TTC27: variants seen among roughly 807,000 people sequenced by gnomAD.
TTC27 encodes tetratricopeptide repeat domain 27.
Under a neutral mutation model 115.9 loss-of-function variants are expected in TTC27, and 79 were observed. That is an observed-to-expected ratio of 0.68 (90% CI 0.57 to 0.82). The LOEUF (loss-of-function observed/expected upper bound fraction) is 0.82, where lower values mean the gene tolerates loss of function less well. TTC27 is among the 40% of genes least tolerant of loss of function. TTC27 has a pLI of 0.00. For synonymous variants in TTC27, 401 were observed against 356.0 expected, an observed-to-expected ratio of 1.13 and a Z score of -1.42; for missense variants, 1,054 against 993.1, an observed-to-expected ratio of 1.06 and a Z score of -0.82.
At chr2:32,652,486 CTA>C (rs1665161002) in intron 5 of TTC27, among the ~76,000 whole-genome samples, 1 of 152,118 alleles carries the variant, frequency 6.6e-6, no homozygotes, top group Non-Finnish European at 1.5e-5. Context: ...AAACCAGAAA[CTA>C]AGATAGCTGG....
intron 4 of TTC27, among the ~76,000 whole-genome samples, chr2:32,648,300 C>T (rs1572474289): frequency 6.6e-6 from 1 of 151,476 alleles, no homozygotes; most frequent in African/African-American, 2.4e-5. Context: ...GCTAATTTTT[C>T]GTATTTTTAG....
At chr2:32,765,504 G>A (rs1384324310) in intron 13 of TTC27, among the ~76,000 whole-genome samples, 1 of 152,070 alleles carries the variant, frequency 6.6e-6, no homozygotes, top group Non-Finnish European at 1.5e-5. Context: ...ATTCTTTAGG[G>A]CTGTGGGATT....
intron 5 of TTC27, among the ~76,000 whole-genome samples, chr2:32,663,991 T>A (rs76328968): frequency 6.2e-5 from 6 of 97,546 alleles, no homozygotes; most frequent in African/African-American, 2.6e-4. Flanking sequence ...CCCCCCACTA[T>A]TTTTTTTTTT....
intron 4 of TTC27, among the ~76,000 whole-genome samples, chr2:32,642,409 G>A (rs1383585989): frequency 6.6e-6 from 1 of 151,370 alleles, no homozygotes; most frequent in African/African-American, 2.4e-5. Context: ...CCACCACCAC[G>A]TTTGGCTAAT....
At chr2:32,640,898 C>G (rs1455728452) in intron 4 of TTC27, among the ~76,000 whole-genome samples, 1 of 152,104 alleles carries the variant, frequency 6.6e-6, no homozygotes, top group Non-Finnish European at 1.5e-5. Context: ...AGGAGAATTG[C>G]TTGAACCTGG....
intron 10 of TTC27, among the ~76,000 whole-genome samples, chr2:32,712,631 GA>G (rs1667618955): frequency 6.6e-6 from 1 of 151,420 alleles, no homozygotes; most frequent in Non-Finnish European, 1.5e-5. Context: ...ATGATCTCGG[GA>G]CTGCGATCTC....
rs138534131 is a variant in TTC27 at position 32,686,208 on chromosome 2, C to T, written c.1119+7286C>T. 1.8e-3 allele frequency among the ~76,000 whole-genome samples: 267 copies of T among 152,292 alleles called. 1 individual carries two copies. The highest frequency in any genetic ancestry group is 1.9e-3 in the Non-Finnish European group (127 of 68,022). Reference sequence around the variant, plus strand: ...ATCTAAATAAATGGATTTACCATATCTGTGGATCGGAAGGCTCAGTATGTT... The same window carrying T: ...ATCTAAATAAATGGATTTACCATATTTGTGGATCGGAAGGCTCAGTATGTT... On this transcript the variant is annotated intron_variant, in intron 9 of 19. Coordinates refer to ENST00000317907, the MANE Select transcript of TTC27 (RefSeq NM_017735.5).
intron 18 of TTC27, among the ~76,000 whole-genome samples, chr2:32,816,015 C>G (rs1021748175): frequency 1.3e-5 from 2 of 152,102 alleles, no homozygotes; most frequent in Non-Finnish European, 2.9e-5. Context: ...TTAGTCTTTG[C>G]GTGCAAAAAG....
At chr2:32,645,134 G>A (rs73922770) in intron 4 of TTC27, among the ~76,000 whole-genome samples, 2,501 of 152,208 alleles carry the variant, frequency 0.016, 28 homozygotes, top group Middle Eastern at 0.027. Context: ...TCCAAGAAAT[G>A]TATCAAGTTA....
At chr2:32,675,322 A>G (rs973167546) in intron 8 of TTC27, among the ~76,000 whole-genome samples, 6 of 152,336 alleles carry the variant, frequency 3.9e-5, no homozygotes, top group Admixed American at 3.3e-4. Context: ...TCAGGAAATT[A>G]AACTATGCCA....
intron 13 of TTC27, among the ~76,000 whole-genome samples, chr2:32,775,671 T>C (rs1342965626): frequency 1.3e-5 from 2 of 152,188 alleles, no homozygotes; most frequent in Non-Finnish European, 2.9e-5. Context: ...TAATTCTTTG[T>C]ATCTAAGATG....
At chr2:32,786,143 A>G (rs535113076) in intron 15 of TTC27, among the ~76,000 whole-genome samples, 1 of 150,684 alleles carries the variant, frequency 6.6e-6, no homozygotes, top group South Asian at 2.1e-4. Context: ...TTTTTTTAAC[A>G]TGGAGTCTTG....
chr2:32,716,649 T>G (rs940711530), intron 10 of TTC27, among the ~76,000 whole-genome samples: 3 of 152,170 alleles, frequency 2.0e-5, no homozygotes, highest in Non-Finnish European at 2.9e-5. Flanking sequence ...ATTGTTACTC[T>G]ATATTCTATT....
chr2:32,643,228 A>C (rs1430259903), intron 4 of TTC27, among the ~76,000 whole-genome samples: 2 of 152,118 alleles, frequency 1.3e-5, no homozygotes, highest in African/African-American at 4.8e-5. Context: ...TTGAGTAAAA[A>C]ATTTTTCCCC....
At position 32,714,190 on chromosome 2, in the gene TTC27, G is replaced by A. The variant is rs6731914; in HGVS notation, c.1233+11270G>A. On this transcript the variant is annotated intron_variant, in intron 10 of 19. Transcript: ENST00000317907. ...TTTTTTTTTTTTGAGATGGAGTCTC[G>A]CTCTGTCGCCCAGGCTGGAGTGCAG... Among the ~76,000 whole-genome samples, 9 of 140,268 alleles carry A rather than the reference G, an allele frequency of 6.4e-5. No homozygotes were observed. In the East Asian group the frequency reaches 1.5e-3, roughly 23 times the overall value. The allele number at this position is 140,268 out of a possible 152,430, so 92.0% of individuals were successfully genotyped here.
At chr2:32,629,389 G>C (rs1277248905) in intron 1 of TTC27, among the ~76,000 whole-genome samples, 1 of 152,118 alleles carries the variant, frequency 6.6e-6, no homozygotes, top group Non-Finnish European at 1.5e-5. Context: ...CAAAGTGCTG[G>C]GATTACAGCC....
At chr2:32,749,642 A>G (rs892002897) in intron 12 of TTC27, among the ~76,000 whole-genome samples, 40 of 152,288 alleles carry the variant, frequency 2.6e-4, no homozygotes, top group African/African-American at 8.7e-4. Flanking sequence ...ATACCATTAC[A>G]TTTGCTACTG....
rs181616376 is a variant in TTC27, at chr2:32,670,138, A to G, written c.940-2134A>G. ...GGTGATCCGCCCGCCTCAGCCTCTC[A>G]AAGTGCTGGGATTACAGGCATGAGC... On this transcript the variant is annotated intron_variant, in intron 7 of 19. Transcript: ENST00000317907. 3.6e-3 allele frequency among the ~76,000 whole-genome samples: 543 copies of G among 151,914 alleles called. 4 individuals carry two copies. Among genetic ancestry groups the G allele is most frequent in the African/African-American group, 0.012 (511 of 41,424 alleles).
intron 12 of TTC27, among the ~76,000 whole-genome samples, chr2:32,749,863 T>G (rs1034173002): frequency 1.3e-5 from 2 of 152,028 alleles, no homozygotes; most frequent in Admixed American, 1.3e-4. Flanking sequence ...CTAACCTATA[T>G]GTTACTACCA....
Sources: gnomAD v4.1 joint callset for allele counts (sites outside exome capture counted in the v4.1 genomes callset) on GRCh38, gnomAD v4.1.1 for gene constraint, MANE v1.5 for transcripts, NCBI Gene and HGNC (gene_info 2026-07-23, HGNC 2026-07-21) for gene names.